The following PRKN variants were observed in gnomAD, a reference collection of about 807,000 sequenced individuals.
PRKN encodes parkin RBR E3 ubiquitin protein ligase.
In PRKN, 56 loss-of-function variants were observed where a neutral mutation model predicts 59.5. The ratio of observed to expected loss-of-function variants is 0.94; its 90% CI spans 0.76 to 1.18. The LOEUF is 1.18. Ranked by LOEUF, PRKN falls within the 50% of genes most tolerant of loss-of-function variation. PRKN has a pLI of 0.00. For missense variants in PRKN, 657 were observed against 596.4 expected (o/e 1.10, Z -1.06); for synonymous variants, 250 against 222.1 (o/e 1.13, Z -1.12).
At chr6:161,476,255 T>C (rs1452395305) in intron 9 of PRKN, among the ~76,000 whole-genome samples, 1 of 152,012 alleles carries the variant, frequency 6.6e-6, no homozygotes, top group Non-Finnish European at 1.5e-5. Flanking sequence ...GGATCTCTAG[T>C]ACAAAATGGC....
chr6:162,648,773 CA>C (rs1487709015), intron 1 of PRKN, among the ~76,000 whole-genome samples: 1 of 152,170 alleles, frequency 6.6e-6, no homozygotes, highest in Non-Finnish European at 1.5e-5. Flanking sequence ...CACAAACATA[CA>C]GCCTTATATG....
At chr6:162,722,683 C>CT (rs1040605874) in intron 1 of PRKN, among the ~76,000 whole-genome samples, 56 of 151,938 alleles carry the variant, frequency 3.7e-4, no homozygotes, top group African/African-American at 9.7e-4. Flanking sequence ...AGTAAGAACT[C>CT]TTTTTTTTGC....
intron 4 of PRKN, among the ~76,000 whole-genome samples, chr6:162,055,399 G>C (rs1329699563): frequency 6.6e-6 from 1 of 152,178 alleles, no homozygotes; most frequent in Admixed American, 6.5e-5. Flanking sequence ...ATGGGAAAAA[G>C]TGGCTTGGGG....
chr6:161,977,555 T>TG lies in PRKN; in HGVS notation c.619-4139_619-4138insC, dbSNP rs1462788738. ...TCTGTTTTTTTGGTTTTTTTTTTTT[T>TG]TTTTTTTTTTAAGACAGAGTCTTTT... On this transcript the variant is annotated intron_variant, in intron 5 of 11. Coordinates refer to ENST00000366898, the MANE Select transcript of PRKN (RefSeq NM_004562.3). Among the ~76,000 whole-genome samples the TG allele has an allele frequency of 7.8e-4, 116 of 148,500 alleles. 1 individual carries two copies. The highest frequency in any genetic ancestry group is 1.5e-3 in the Non-Finnish European group (100 of 67,110).
chr6:162,263,557 A>G (rs896476826), intron 2 of PRKN, among the ~76,000 whole-genome samples: 2 of 152,204 alleles, frequency 1.3e-5, no homozygotes, highest in African/African-American at 4.8e-5. Context: ...ATTGACACGT[A>G]GGAACAGAAG....
intron 4 of PRKN, among the ~76,000 whole-genome samples, chr6:162,153,956 G>A (rs1190574605): frequency 7.2e-5 from 11 of 152,160 alleles, no homozygotes; most frequent in East Asian, 1.9e-4. Context: ...AGAAGTACTC[G>A]GGAGAGAGCG....
intron 10 of PRKN, among the ~76,000 whole-genome samples, chr6:161,384,855 T>C (rs1786158238): frequency 6.6e-6 from 1 of 152,228 alleles, no homozygotes; most frequent in African/African-American, 2.4e-5. Flanking sequence ...ATTACTGTAA[T>C]TACGATATTC....
intron 9 of PRKN, among the ~76,000 whole-genome samples, chr6:161,420,239 CAAA>C (rs529929769): frequency 5.5e-5 from 4 of 73,144 alleles, no homozygotes; most frequent in Non-Finnish European, 3.1e-5. Flanking sequence ...GACTATGTCT[CAAA>C]AAAAAAAAAA....
chr6:162,587,630 C>T (rs1031890700), intron 1 of PRKN, among the ~76,000 whole-genome samples: 2 of 152,078 alleles, frequency 1.3e-5, no homozygotes, highest in African/African-American at 2.4e-5. Flanking sequence ...ATAAACATTA[C>T]TGTGTTGTTA....
Position 161,446,750 on chromosome 6 carries a change from T to C in PRKN, c.1084-59873A>G, listed in dbSNP as rs1329163920. ...TAACCATCCTCCCACACTAGGAATA[T>C]GGAGCCAGGAATGAGGGAGGTTCAC... On this transcript the variant is annotated intron_variant, in intron 9 of 11. Transcript: ENST00000366898. This position sits in a 1 kb window ranked among gnomAD's most constrained non-coding sequence, Gnocchi z 6.2. Among the ~76,000 whole-genome samples the C allele has an allele frequency of 3.9e-5, 6 of 152,144 alleles. No individual in the cohort carries two copies. Among genetic ancestry groups the C allele is most frequent in the Admixed American group, 2.0e-4 (3 of 15,270 alleles).
chr6:162,351,491 T>C (rs1680761339), intron 2 of PRKN, among the ~76,000 whole-genome samples: 1 of 152,174 alleles, frequency 6.6e-6, no homozygotes, highest in South Asian at 2.1e-4. Flanking sequence ...CTGGTCTAAA[T>C]GGAAAATGGT....
intron 2 of PRKN, among the ~76,000 whole-genome samples, chr6:162,279,089 G>A (rs576545674): frequency 1.3e-5 from 2 of 152,218 alleles, no homozygotes; most frequent in East Asian, 1.9e-4. Flanking sequence ...TCAGGACTTT[G>A]GGAGGCTGAG....
At position 161,885,619 on chromosome 6, in the gene PRKN, T is replaced by G. The variant is rs9458410; in HGVS notation, c.734+87683A>C. Among the ~76,000 whole-genome samples, 552 of 147,028 alleles carry G rather than the reference T, an allele frequency of 3.8e-3. 5 individuals are homozygous for G. The highest frequency in any genetic ancestry group is 0.013 in the African/African-American group (523 of 39,532). On this transcript the variant is annotated intron_variant, in intron 6 of 11. Transcript: ENST00000366898. ...GGCGGAGCTTGCAGTGGGCCAAGAT[T>G]GCACCACTGCACTCCAGCCTGGGTG... is the stretch of plus-strand genomic sequence containing the variant.
intron 2 of PRKN, among the ~76,000 whole-genome samples, chr6:162,264,285 T>C (rs2128100790): frequency 6.6e-6 from 1 of 152,076 alleles, no homozygotes; most frequent in Non-Finnish European, 1.5e-5. Flanking sequence ...TCTCAAAAAA[T>C]AAAATTAAAT....
chr6:161,944,307 G>A (rs998199884), intron 6 of PRKN, among the ~76,000 whole-genome samples: 1 of 152,204 alleles, frequency 6.6e-6, no homozygotes, highest in South Asian at 2.1e-4. Context: ...GCTTGACAAA[G>A]GTTTGGAGGA....
chr6:161,900,928 A>ATATATATATATT (rs377615355), intron 6 of PRKN, among the ~76,000 whole-genome samples: 1 of 143,512 alleles, frequency 7.0e-6, no homozygotes, highest in East Asian at 2.0e-4. Flanking sequence ...ATATATATAT[A>ATATATATATATT]TTTTTTAGAT....
chr6:162,364,606 G>T (rs1046387147), intron 2 of PRKN, among the ~76,000 whole-genome samples: 1 of 152,110 alleles, frequency 6.6e-6, no homozygotes, highest in Non-Finnish European at 1.5e-5. Context: ...CCCCACGCTC[G>T]GTGCCTTATC....
intron 6 of PRKN, among the ~76,000 whole-genome samples, chr6:161,879,341 C>CTTTTTTT (rs72163881): frequency 8.9e-5 from 10 of 112,228 alleles, no homozygotes; most frequent in African/African-American, 2.9e-4. Context: ...ACATTTCTGC[C>CTTTTTTT]TTTTTTTTTT....
chr6:161,973,593 G>T (rs564794010), intron 5 of PRKN, among the ~76,000 whole-genome samples, 176 bp from the exon 6 acceptor site: 1 of 152,316 alleles, frequency 6.6e-6, no homozygotes, highest in Non-Finnish European at 1.5e-5. Flanking sequence ...TGCCAAAGTG[G>T]TCAACAATTC....
Sources: allele counts gnomAD v4.1 joint callset (sites outside exome capture counted in the v4.1 genomes callset), GRCh38; gene constraint gnomAD v4.1.1; non-coding constraint Gnocchi (gnomAD v3.1); transcripts MANE v1.5; gene names NCBI Gene and HGNC (gene_info 2026-07-23, HGNC 2026-07-21).